C19orf38: variants seen among roughly 807,000 people sequenced by gnomAD.
The protein encoded by C19orf38 is chromosome 19 open reading frame 38, also known as protein HIDE1.
In C19orf38, 14 loss-of-function variants were observed where a neutral mutation model predicts 26.6. That is an observed-to-expected ratio of 0.53 (90% CI 0.35 to 0.82). The LOEUF (loss-of-function observed/expected upper bound fraction) is 0.82, where lower values mean the gene tolerates loss of function less well. Ranked by LOEUF, C19orf38 falls within the 40% of genes least tolerant of loss-of-function variation. The pLI, the probability that C19orf38 is intolerant of heterozygous loss-of-function variation, is 0.01. For missense variants in C19orf38, 261 were observed against 299.5 expected (o/e 0.87, Z 0.95); for synonymous variants, 132 against 128.5 (o/e 1.03, Z -0.18).
chr19:10,845,726 A>C (rs1409658573), upstream of C19orf38, among the ~76,000 whole-genome samples: 2 of 151,720 alleles, frequency 1.3e-5, no homozygotes, highest in South Asian at 4.2e-4. Flanking sequence ...AAAAATACAA[A>C]AAATTAGCCA....
At chr19:10,856,877 T>C in intron 3 of C19orf38, among the ~76,000 whole-genome samples, 1 of 151,544 alleles carries the variant, frequency 6.6e-6, no homozygotes, top group Admixed American at 6.6e-5. Flanking sequence ...GCTCGCTGCA[T>C]CCTTGACCTC....
chr19:10,860,854 A>G lies in C19orf38; in HGVS notation c.505+896A>G, dbSNP rs181723679. Among the ~76,000 whole-genome samples, 123 of 140,410 alleles carry G rather than the reference A, an allele frequency of 8.8e-4. No individual in the cohort carries two copies. The Middle Eastern group carries it at 0.016, about 18-fold the overall frequency. 92.1% of individuals were successfully genotyped at this position (140,410 alleles called of 152,430 possible). On this transcript the variant is annotated intron_variant, in intron 5 of 6. Coordinates refer to ENST00000397820, the MANE Select transcript of C19orf38 (RefSeq NM_001136482.3). ...AGACTCCATCTCAAAAAAAAAAAAAAAAAGAAAGGGCCAGGCACGGTGGCT... is the reference window on the plus strand; with the variant it reads ...AGACTCCATCTCAAAAAAAAAAAAAGAAAGAAAGGGCCAGGCACGGTGGCT...
chr19:10,846,718 G>A (rs1315954817), upstream of C19orf38, among the ~76,000 whole-genome samples: 2 of 152,108 alleles, frequency 1.3e-5, no homozygotes, highest in Non-Finnish European at 2.9e-5. Context: ...GGATAGTAAG[G>A]GGATATAAAT....
chr19:10,846,813 A>T, upstream of C19orf38, among the ~76,000 whole-genome samples: 1 of 152,344 alleles, frequency 6.6e-6, no homozygotes, highest in African/African-American at 2.4e-5. Flanking sequence ...ATAAAGGAAT[A>T]TTACAGGGCA....
At chr19:10,836,704 G>C (rs1233082739) in exon 1 of C19orf38, 2 of 153,684 alleles carry the variant, frequency 1.3e-5, no homozygotes, top group African/African-American at 2.4e-5. Flanking sequence ...TGTTTTGCTT[G>C]CTCTGTGAGC....
chr19:10,858,102 C>T (rs1443698099), intron 3 of C19orf38, among the ~76,000 whole-genome samples: 2 of 151,086 alleles, frequency 1.3e-5, no homozygotes, highest in African/African-American at 4.9e-5. Flanking sequence ...GTGATGCACA[C>T]TTGTAATCCC....
In C19orf38 at chr19:10,855,989, A is replaced by G. The variant is rs181271628; in HGVS notation, c.341-276A>G. ...TAAGATATCTATCCTATGCAATGCTAGCCAGAGGAGTAAACCTCTTTTCCC... is the reference window on the plus strand; with the variant it reads ...TAAGATATCTATCCTATGCAATGCTGGCCAGAGGAGTAAACCTCTTTTCCC... On this transcript the variant is annotated intron_variant, in intron 2 of 6. Transcript: ENST00000397820. 9.6e-4 allele frequency among the ~76,000 whole-genome samples: 146 copies of G among 152,252 alleles called. 1 individual carries two copies. The East Asian group carries it at 0.02, about 21-fold the overall frequency.
intron 4 of C19orf38, 107 bp from the exon 5 acceptor site, chr19:10,859,808 A>C (rs772307910): frequency 1.4e-4 from 140 of 1,016,526 alleles, no homozygotes; most frequent in Admixed American, 2.2e-4. Context: ...GGTGGGGAGC[A>C]AAGGCTACAT....
chr19:10,854,475 C>T (rs916869271), intron 2 of C19orf38, among the ~76,000 whole-genome samples: 2 of 152,200 alleles, frequency 1.3e-5, no homozygotes, highest in African/African-American at 2.4e-5. Flanking sequence ...GCCTCAGGCT[C>T]CTCTATCAAA....
At chr19:10,866,679 C>T (rs1356552274) in intron 6 of C19orf38, among the ~76,000 whole-genome samples, 1 of 151,320 alleles carries the variant, frequency 6.6e-6, no homozygotes, top group African/African-American at 2.4e-5. Flanking sequence ...GACGGAGTTT[C>T]GCAATTATCG....
At position 10,850,256 on chromosome 19, in the gene C19orf38, C is replaced by A. The variant is rs986804355; in HGVS notation, c.32-3C>A. 4.5e-6 allele frequency: 7 copies of A among 1,548,778 alleles called. No homozygotes were observed. The highest frequency in any genetic ancestry group is 3.9e-5 in the Admixed American group (2 of 50,772). ...CCCACCCACCTTACCCTCTGCATTG[C>A]AGGCTCCTTGGCGATCCCAGCACCA... On this transcript the variant is annotated splice_region_variant and splice_polypyrimidine_tract_variant and intron_variant, in intron 1 of 6. Transcript: ENST00000397820.
intron 6 of C19orf38, among the ~76,000 whole-genome samples, chr19:10,866,689 G>A (rs893295905): frequency 2.7e-5 from 4 of 149,736 alleles, no homozygotes; most frequent in African/African-American, 4.9e-5. Context: ...CGCAATTATC[G>A]TCCAGGCTGG....
Position 10,869,540 on chromosome 19 carries a change from C to A in C19orf38, c.*173C>A. 2.1e-6 allele frequency: 2 copies of A among 945,812 alleles called. No homozygotes were observed. Among genetic ancestry groups the A allele is most frequent in the Non-Finnish European group, 3.0e-6 (2 of 656,374 alleles). 58.6% of individuals were successfully genotyped at this position (945,812 alleles called of 1,614,324 possible). The stretch of plus-strand genomic sequence containing the variant: ...AGAGGAGTGGGAGAGGGGACACAGG[C>A]ATGGGCCTGGCACTATACAGACAAC... On this transcript the variant is annotated 3_prime_UTR_variant, in exon 7 of 7. Transcript: ENST00000397820.
rs2073650467 is a variant in C19orf38, at chr19:10,858,217, GACTCT to G, written c.434-98_434-94del. The G allele has an allele frequency of 4.0e-6, 4 of 1,010,990 alleles. No homozygotes were observed. The South Asian group carries it at 6.6e-5, about 17-fold the overall frequency. The allele number at this position is 1,010,990 out of a possible 1,614,324, so 62.6% of individuals were successfully genotyped here. A position where few individuals can be genotyped will look rare whatever the true frequency, so the allele number is the denominator to read the frequency against. On this transcript the variant is annotated intron_variant, in intron 3 of 6. Transcript: ENST00000397820. ...CACTCCAGCCTGGGTGAAAGAATGA[GACTCT>G]GTCTAAAAAAAAAAAAAAAAAAAAA...
intron 1 of C19orf38, chr19:10,842,057 T>G: frequency 1.2e-6 from 2 of 1,606,064 alleles, no homozygotes; most frequent in Non-Finnish European, 1.7e-6. Flanking sequence ...AGATTGGAAT[T>G]TCAGTGGAAT....
intron 6 of C19orf38, among the ~76,000 whole-genome samples, chr19:10,864,639 A>G (rs887447914): frequency 1.1e-4 from 17 of 152,262 alleles, no homozygotes; most frequent in Admixed American, 1.1e-3. Flanking sequence ...GGATCAGTGG[A>G]AGGCAGGAGC....
At chr19:10,844,134 C>A (rs1016031599), upstream of C19orf38, among the ~76,000 whole-genome samples, 1 of 150,706 alleles carries the variant, frequency 6.6e-6, no homozygotes, top group African/African-American at 2.4e-5. Flanking sequence ...AGGCTGGACA[C>A]GGTGGCTCAC....
chr19:10,847,957 C>G (rs1323076726), upstream of C19orf38, among the ~76,000 whole-genome samples: 1 of 151,912 alleles, frequency 6.6e-6, no homozygotes, highest in African/African-American at 2.4e-5. Context: ...CTTTGGGAGG[C>G]TGGGGCGGGC....
chr19:10,846,540 A>G (rs1270910071), upstream of C19orf38, among the ~76,000 whole-genome samples: 2 of 152,120 alleles, frequency 1.3e-5, no homozygotes, highest in Non-Finnish European at 2.9e-5. Context: ...TCAAGTCAAA[A>G]GGCAATAAAA....
Sources: allele counts gnomAD v4.1 joint callset (sites outside exome capture counted in the v4.1 genomes callset), GRCh38; gene constraint gnomAD v4.1.1; transcripts MANE v1.5; gene names NCBI Gene and HGNC (gene_info 2026-07-23, HGNC 2026-07-21).